Variants in NECAB2 observed in about 807,000 individuals in gnomAD.
NECAB2 encodes the protein N-terminal EF-hand calcium binding protein 2, also known as N-terminal EF-hand calcium-binding protein 2.
NECAB2 carries 68 observed loss-of-function variants against 51.9 expected under a neutral mutation model. The observed-to-expected ratio is 1.31, with a 90% CI of 1.08 to 1.60. The LOEUF (loss-of-function observed/expected upper bound fraction) is 1.60, where lower values mean the gene tolerates loss of function less well. Among genes scored for constraint, NECAB2 ranks in the 40% most tolerant of loss-of-function variants. The pLI, the probability that NECAB2 is intolerant of heterozygous loss-of-function variation, is 0.00. For synonymous variants in NECAB2, 329 were observed against 203.5 expected, an observed-to-expected ratio of 1.62 and a Z score of -5.25; for missense variants, 854 against 490.3, an observed-to-expected ratio of 1.74 and a Z score of -7.00.
At chr16:83,975,298 G>A (rs2151086180) in intron 2 of NECAB2, among the ~76,000 whole-genome samples, 1 of 151,452 alleles carries the variant, frequency 6.6e-6, no homozygotes, top group South Asian at 2.1e-4. Context: ...AGGTGTGCAG[G>A]GATGAGAGCA....
At chr16:83,971,884 G>T (rs2084350837) in intron 1 of NECAB2, 1 of 587,682 alleles carries the variant, frequency 1.7e-6, no homozygotes, top group South Asian at 2.0e-5. Context: ...CCGTGGGCCT[G>T]CGTGTGTGTG....
intron 2 of NECAB2, among the ~76,000 whole-genome samples, chr16:83,974,419 GC>G (rs1256067226): frequency 2.6e-5 from 4 of 152,196 alleles, no homozygotes; most frequent in Non-Finnish European, 5.9e-5. Flanking sequence ...CCGCTGCTCT[GC>G]CTCAAATGCC....
chr16:83,967,696 A>C (rs965737395), upstream of NECAB2, among the ~76,000 whole-genome samples: 6 of 112,500 alleles, frequency 5.3e-5, no homozygotes, highest in Non-Finnish European at 8.9e-5. Flanking sequence ...GGGCGGGCAG[A>C]TGGATGGACG....
rs140743689 is a variant in NECAB2, at chr16:83,998,838, A to G, written c.962+521A>G. Among the ~76,000 whole-genome samples the G allele has an allele frequency of 8.8e-3, 1,335 of 152,172 alleles. 24 individuals are homozygous for G. The highest frequency in any genetic ancestry group is 0.03 in the African/African-American group (1,230 of 41,488). ...GTGCTGAGATGTCCAGGGCGGGGCAAGCGGCCTTACCTTCAAATTCCTGTT... is the reference window on the plus strand; with the variant it reads ...GTGCTGAGATGTCCAGGGCGGGGCAGGCGGCCTTACCTTCAAATTCCTGTT... On this transcript the variant is annotated intron_variant, in intron 10 of 12. Coordinates refer to ENST00000305202, the MANE Select transcript of NECAB2 (RefSeq NM_019065.3).
intron 10 of NECAB2, 100 bp downstream of exon 10, chr16:83,998,417 T>TAAG (rs2084752454): frequency 8.8e-7 from 1 of 1,139,902 alleles, no homozygotes; most frequent in African/African-American, 1.5e-5. Context: ...GTAGTACAAG[T>TAAG]TGCACCCCAG....
At chr16:83,994,275 C>G (rs925051119) in intron 6 of NECAB2, 27 bp from the exon 7 acceptor site, 44 of 1,608,368 alleles carry the variant, frequency 2.7e-5, no homozygotes, top group African/African-American at 5.3e-5. Context: ...CCGCCATGGT[C>G]TGTGTGTGTT....
chr16:84,001,193 A>G (rs1448068174), intron 11 of NECAB2, among the ~76,000 whole-genome samples: 1 of 151,752 alleles, frequency 6.6e-6, no homozygotes, highest in African/African-American at 2.4e-5. Flanking sequence ...CCTCCAGCTG[A>G]GTGCCCGGTA....
At chr16:83,996,348 C>G (rs968570803) in intron 8 of NECAB2, among the ~76,000 whole-genome samples, 13 of 152,216 alleles carry the variant, frequency 8.5e-5, no homozygotes, top group African/African-American at 2.7e-4. Context: ...CCAGGATCAG[C>G]TACTACAGAG....
Position 83,993,675 on chromosome 16 carries a change from T to G in NECAB2, c.597-627T>G, listed in dbSNP as rs886814494. 1.1e-4 allele frequency: 17 copies of G among 160,068 alleles called. No homozygotes were observed. In the East Asian group the frequency reaches 3.2e-3, roughly 30 times the overall value. 9.9% of individuals were successfully genotyped at this position (160,068 alleles called of 1,614,324 possible). A position where few individuals can be genotyped will look rare whatever the true frequency, so the allele number is the denominator to read the frequency against. ...GTGTGTGTGTGTGTGTGTGTCTGCC[T>G]CTGCCTGTGGCTAGCTGTGCCTGTC... On this transcript the variant is annotated intron_variant, in intron 6 of 12. Coordinates refer to ENST00000305202, the MANE Select transcript of NECAB2 (RefSeq NM_019065.3).
chr16:84,001,806 A>C lies in NECAB2; in HGVS notation c.1041-19A>C, dbSNP rs1387588758. On this transcript the variant is annotated intron_variant, in intron 11 of 12. Transcript: ENST00000305202. Reference sequence around the variant, plus strand: ...TCCACTCCTGCCACCCCTGACTCACACATGTCCCTGCGTCACAGGCACCTG... The same window carrying C: ...TCCACTCCTGCCACCCCTGACTCACCCATGTCCCTGCGTCACAGGCACCTG... 1.2e-6 allele frequency: 2 copies of C among 1,613,392 alleles called. No individual in the cohort carries two copies. Among genetic ancestry groups the C allele is most frequent in the South Asian group, 1.1e-5 (1 of 91,048 alleles).
chr16:83,994,464 C>T, intron 7 of NECAB2, 44 bp downstream of exon 7: 5 of 1,604,974 alleles, frequency 3.1e-6, no homozygotes, highest in African/African-American at 2.7e-5. Context: ...AGCTGGGGGT[C>T]CCGAGGAGTT....
chr16:83,997,115 C>T (rs34965558), intron 8 of NECAB2, 101 bp from the exon 9 acceptor site: 325,177 of 1,426,636 alleles, frequency 0.23, 41,000 homozygotes, highest in Non-Finnish European at 0.26. Flanking sequence ...AGGGCCGGGT[C>T]CTTGGGAGCT....
In NECAB2 at chr16:83,994,595, T is replaced by G; in HGVS notation, c.716-14T>G. On this transcript the variant is annotated splice_polypyrimidine_tract_variant and intron_variant, in intron 7 of 12. Coordinates refer to ENST00000305202, the MANE Select transcript of NECAB2 (RefSeq NM_019065.3). ...CCCACCACTGAAGTCTGTGTGTCTCTTTCTCTACCGCAGCCACGGAGGATG... is the reference window on the plus strand; with the variant it reads ...CCCACCACTGAAGTCTGTGTGTCTCGTTCTCTACCGCAGCCACGGAGGATG... The G allele has an allele frequency of 6.2e-7, 1 of 1,614,086 alleles. No homozygotes were observed. The highest frequency in any genetic ancestry group is 8.5e-7 in the Non-Finnish European group (1 of 1,180,014).
chr16:83,990,416 C>T lies in NECAB2; in HGVS notation c.460-78C>T. The T allele has an allele frequency of 1.9e-6, 3 of 1,552,280 alleles. No homozygotes were observed. The East Asian group carries it at 6.8e-5, about 35-fold the overall frequency. ...CAAATTCACCAGCACCAGCTTTCCC[C>T]CAACTCCTGTGCTAGACCCCACCTC... On this transcript the variant is annotated intron_variant, in intron 5 of 12. Transcript: ENST00000305202.
rs60912623 is a variant in NECAB2 at position 83,998,403 on chromosome 16, C to A, written c.962+86C>A. 3.7e-3 allele frequency: 4,826 copies of A among 1,310,272 alleles called. 134 individuals are homozygous for A. In the African/African-American group the frequency reaches 0.062, roughly 17 times the overall value. 81.2% of individuals were successfully genotyped at this position (1,310,272 alleles called of 1,614,324 possible). ...GAACAGGGCAGGACTAGGCTTTGCC[C>A]TAAGTAGTACAAGTTGCACCCCAGG... is the stretch of plus-strand genomic sequence containing the variant. On this transcript the variant is annotated intron_variant, in intron 10 of 12. Transcript: ENST00000305202.
At position 84,002,672 on chromosome 16, in the gene NECAB2, T is replaced by G; in HGVS notation, c.*326T>G. Reference sequence around the variant, plus strand: ...CCACACTGACCACACCCTGCCCTCTTCGGTGACATTCTTCTACCTAGTAGG... The same window carrying G: ...CCACACTGACCACACCCTGCCCTCTGCGGTGACATTCTTCTACCTAGTAGG... On this transcript the variant is annotated 3_prime_UTR_variant, in exon 13 of 13. Transcript: ENST00000305202. The G allele has an allele frequency of 2.4e-6, 1 of 415,572 alleles. No homozygotes were observed. The highest frequency in any genetic ancestry group is 3.0e-5 in the South Asian group (1 of 33,664). 25.7% of individuals were successfully genotyped at this position (415,572 alleles called of 1,614,324 possible). A position where few individuals can be genotyped will look rare whatever the true frequency, so the allele number is the denominator to read the frequency against.
At chr16:83,991,906 C>G (rs889992607) in intron 6 of NECAB2, among the ~76,000 whole-genome samples, 2 of 150,978 alleles carry the variant, frequency 1.3e-5, no homozygotes, top group East Asian at 1.9e-4. Context: ...CCTGCTGTCT[C>G]AGTCTTCCAA....
At chr16:83,976,734 C>A (rs891224700) in intron 2 of NECAB2, among the ~76,000 whole-genome samples, 2 of 152,146 alleles carry the variant, frequency 1.3e-5, no homozygotes, top group African/African-American at 2.4e-5. Context: ...CCTAGCCCCC[C>A]GTGCCCACAC....
At chr16:83,974,872 A>T (rs1006027526) in intron 2 of NECAB2, among the ~76,000 whole-genome samples, 1 of 151,116 alleles carries the variant, frequency 6.6e-6, no homozygotes, top group Non-Finnish European at 1.5e-5. Context: ...GTGTGCAGGG[A>T]GGTGTGGGTG....
Sources: allele counts gnomAD v4.1 joint callset (sites outside exome capture counted in the v4.1 genomes callset), GRCh38; gene constraint gnomAD v4.1.1; transcripts MANE v1.5; gene names NCBI Gene and HGNC (gene_info 2026-07-23, HGNC 2026-07-21).